Variants in ATP9B observed in about 807,000 individuals in gnomAD.
ATP9B encodes the protein probable phospholipid-transporting ATPase IIB.
ATP9B carries 110 observed loss-of-function variants against 146.1 expected under a neutral mutation model. The observed-to-expected ratio is 0.75, with a 90% CI of 0.65 to 0.88. ATP9B has a LOEUF of 0.88. Among genes scored for constraint, ATP9B ranks in the 40% least tolerant of loss-of-function variants. The pLI is 0.00. For synonymous variants in ATP9B, 604 were observed against 569.7 expected (o/e 1.06, Z -0.86); for missense variants, 1,499 against 1,496.4 (o/e 1.00, Z -0.03).
chr18:79,184,194 G>A (rs1002720959), intron 8 of ATP9B, among the ~76,000 whole-genome samples: 7 of 152,136 alleles, frequency 4.6e-5, no homozygotes, highest in Non-Finnish European at 7.4e-5. Flanking sequence ...AGGTGGAATC[G>A]AAAAGTGAGA....
intron 26 of ATP9B, chr18:79,364,023 T>A (rs62097669): frequency 0.23 from 34,467 of 152,084 alleles, 4,523 homozygotes; most frequent in East Asian, 0.45. Flanking sequence ...ATCCCAGCAC[T>A]TTGGGAGGCC....
chr18:79,163,800 TGTTTA>T (rs1255969878), intron 7 of ATP9B, among the ~76,000 whole-genome samples: 2 of 151,886 alleles, frequency 1.3e-5, no homozygotes, highest in Non-Finnish European at 2.9e-5. Flanking sequence ...TAACCTCAAT[TGTTTA>T]GTTATTTACC....
chr18:79,088,366 C>T (rs931379008), intron 1 of ATP9B, among the ~76,000 whole-genome samples: 4 of 152,280 alleles, frequency 2.6e-5, no homozygotes, highest in Middle Eastern at 6.8e-3. Context: ...TATAAATACT[C>T]ATTTTCTAGT....
At chr18:79,369,700 C>G (rs1416094701) in intron 26 of ATP9B, among the ~76,000 whole-genome samples, 1 of 152,222 alleles carries the variant, frequency 6.6e-6, no homozygotes, top group Non-Finnish European at 1.5e-5. Context: ...GACCATCTTT[C>G]ACGCCACACG....
In ATP9B at chr18:79,194,730, A is replaced by C. The variant is rs143401693; in HGVS notation, c.954+1467A>C. 4 of 152,362 alleles carry C rather than the reference A, an allele frequency of 2.6e-5. No individual in the cohort carries two copies. In the East Asian group the frequency reaches 5.8e-4, roughly 22 times the overall value. 9.4% of individuals were successfully genotyped at this position (152,362 alleles called of 1,614,324 possible). A position where few individuals can be genotyped will look rare whatever the true frequency, so the allele number is the denominator to read the frequency against. ...GAGTAGAGAGTTTAATCTGTAGCTCATGTTTAGCAGAAATGTGAGACAGAA... is the reference window on the plus strand; with the variant it reads ...GAGTAGAGAGTTTAATCTGTAGCTCCTGTTTAGCAGAAATGTGAGACAGAA... On this transcript the variant is annotated intron_variant, in intron 9 of 29. Transcript: ENST00000426216.
At chr18:79,366,328 C>T (rs753985399) in intron 26 of ATP9B, among the ~76,000 whole-genome samples, 46 of 152,198 alleles carry the variant, frequency 3.0e-4, no homozygotes, top group Non-Finnish European at 6.0e-4. Flanking sequence ...ATGCAGACAG[C>T]GGCCCATGAA....
chr18:79,091,520 G>T (rs2146679291), intron 1 of ATP9B, among the ~76,000 whole-genome samples: 1 of 152,034 alleles, frequency 6.6e-6, no homozygotes, highest in East Asian at 1.9e-4. Flanking sequence ...TAATTCCTAG[G>T]TATTTAATTT....
At chr18:79,092,344 G>A (rs965306187) in intron 1 of ATP9B, among the ~76,000 whole-genome samples, 2 of 152,112 alleles carry the variant, frequency 1.3e-5, no homozygotes, top group Admixed American at 6.5e-5. Flanking sequence ...ACTGAATGCA[G>A]CAGGCAGATG....
At chr18:79,242,647 G>A (rs1368280382) in intron 11 of ATP9B, among the ~76,000 whole-genome samples, 2 of 152,174 alleles carry the variant, frequency 1.3e-5, no homozygotes, top group African/African-American at 2.4e-5. Flanking sequence ...TATAATCATC[G>A]TGTGATACCA....
At chr18:79,261,059 G>A (rs9944629) in intron 12 of ATP9B, among the ~76,000 whole-genome samples, 141,320 of 152,266 alleles carry the variant, frequency 0.93, 65,649 homozygotes, top group East Asian at 1. Flanking sequence ...TGTCTCACCC[G>A]TGCCAAATTT....
chr18:79,331,947 G>A (rs1446493267), intron 17 of ATP9B, among the ~76,000 whole-genome samples: 1 of 152,162 alleles, frequency 6.6e-6, no homozygotes, highest in Admixed American at 6.5e-5. Context: ...AGGGCCAGGG[G>A]CTCCAAACCC....
At chr18:79,245,712 C>T (rs1340486037) in intron 11 of ATP9B, among the ~76,000 whole-genome samples, 6 of 146,688 alleles carry the variant, frequency 4.1e-5, no homozygotes, top group Non-Finnish European at 7.5e-5. Flanking sequence ...CGGAGGGTAC[C>T]GCCCTACTGA....
Position 79,366,433 on chromosome 18 carries a change from A to G in ATP9B, c.3013-6392A>G, listed in dbSNP as rs2097029748. ...GTGGTTCACTGTAAGGCTGAAGACAAAAAGAACTGCAAACCGTGGGCTGCG... is the reference window on the plus strand; with the variant it reads ...GTGGTTCACTGTAAGGCTGAAGACAGAAAGAACTGCAAACCGTGGGCTGCG... On this transcript the variant is annotated intron_variant, in intron 26 of 29. Coordinates refer to ENST00000426216, the MANE Select transcript of ATP9B (RefSeq NM_198531.5). Among the ~76,000 whole-genome samples, 4 of 152,160 alleles carry G rather than the reference A, an allele frequency of 2.6e-5. No individual in the cohort carries two copies. In the South Asian group the frequency reaches 8.3e-4, roughly 32 times the overall value.
intron 17 of ATP9B, among the ~76,000 whole-genome samples, chr18:79,333,603 G>A (rs543598896): frequency 6.6e-6 from 1 of 152,172 alleles, no homozygotes; most frequent in Non-Finnish European, 1.5e-5. Context: ...TCTCCTTGGA[G>A]GTTACCAAAA....
At chr18:79,346,437 G>A (rs542587342) in intron 23 of ATP9B, among the ~76,000 whole-genome samples, 1 of 151,200 alleles carries the variant, frequency 6.6e-6, no homozygotes, top group African/African-American at 2.4e-5. Context: ...GTCAGCACGT[G>A]CTCAGCGCAC....
intron 26 of ATP9B, chr18:79,362,387 G>C (rs573902060): frequency 3.3e-5 from 5 of 152,168 alleles, no homozygotes; most frequent in African/African-American, 1.2e-4. Context: ...GGCAGTGAAT[G>C]AATCAGTTAA....
At position 79,347,850 on chromosome 18, in the gene ATP9B, G is replaced by A; in HGVS notation, c.2763G>A (p.Gly921=). Residue 921 remains glycine, a synonymous_variant, in exon 24 of 30, where the codon GGG becomes GGA. Coordinates refer to ENST00000426216, the MANE Select transcript of ATP9B (RefSeq NM_198531.5). ...RHIGRLLMVH[G]RNSYKRSAAL... is the part of the protein sequence containing the mutation. ...TAGGCAGGCTGCTCATGGTGCACGG[G>A]CGGAACAGCTACAAGAGGTCGGCGG... is the stretch of plus-strand genomic sequence containing the variant. The A allele has an allele frequency of 6.2e-7, 1 of 1,613,986 alleles. No homozygotes were observed. The highest frequency in any genetic ancestry group is 8.5e-7 in the Non-Finnish European group (1 of 1,179,940).
At chr18:79,096,740 A>G in intron 2 of ATP9B, 91 bp downstream of exon 2, 1 of 1,032,890 alleles carries the variant, frequency 9.7e-7, no homozygotes, top group Non-Finnish European at 1.4e-6. Context: ...ATTAATATAA[A>G]AACTCAAGGA....
chr18:79,334,593 G>A (rs1488013159), intron 17 of ATP9B, among the ~76,000 whole-genome samples: 5 of 151,960 alleles, frequency 3.3e-5, no homozygotes. Context: ...GGGTGGGGTT[G>A]TCTCCTGACA....
Sources: allele counts gnomAD v4.1 joint callset (sites outside exome capture counted in the v4.1 genomes callset), GRCh38; gene constraint gnomAD v4.1.1; transcripts MANE v1.5; gene names NCBI Gene and HGNC (gene_info 2026-07-23, HGNC 2026-07-21).